Variants in SLF1 observed in about 807,000 individuals in gnomAD.
SLF1 encodes the protein SMC5-SMC6 complex localization factor protein 1.
SLF1 carries 105 observed loss-of-function variants against 123.0 expected under a neutral mutation model. That is an observed-to-expected ratio of 0.85 (90% CI 0.73 to 1.00). SLF1 has a LOEUF of 1.00. SLF1 is among the 50% of genes least tolerant of loss of function. SLF1 has a pLI of 0.00. For missense variants in SLF1, 1,239 were observed against 1,223.0 expected, an observed-to-expected ratio of 1.01 and a Z score of -0.20; for synonymous variants, 434 against 406.6, an observed-to-expected ratio of 1.07 and a Z score of -0.81.
intron 4 of SLF1, among the ~76,000 whole-genome samples, chr5:94,634,217 T>C (rs1745507873): frequency 6.6e-6 from 1 of 152,216 alleles, no homozygotes; most frequent in African/African-American, 2.4e-5. Flanking sequence ...GTTGCATACG[T>C]ATTTTCTCAA....
At chr5:94,618,636 C>A (rs1791229282), upstream of SLF1, 1 of 154,802 alleles carries the variant, frequency 6.5e-6, no homozygotes, top group African/African-American at 2.4e-5. Context: ...CTATCGCTTC[C>A]GGGGCTGCCT....
chr5:94,654,905 A>G (rs530267295), intron 9 of SLF1, among the ~76,000 whole-genome samples, 153 bp downstream of exon 9: 2 of 152,312 alleles, frequency 1.3e-5, no homozygotes, highest in South Asian at 4.1e-4. Flanking sequence ...ATTATACAGT[A>G]ATGTATTTGG....
At position 94,651,835 on chromosome 5, in the gene SLF1, A is replaced by G. The variant is rs1305166434; in HGVS notation, c.872A>G (p.Tyr291Cys). 7.1e-7 allele frequency: 1 copy of G among 1,410,154 alleles called. No individual in the cohort carries two copies. The highest frequency in any genetic ancestry group is 9.5e-7 in the Non-Finnish European group (1 of 1,058,134). 87.4% of individuals were successfully genotyped at this position (1,410,154 alleles called of 1,614,324 possible). ...AGAAATACCTTTGGAAGCCATACATATGAAAATCAGGTACAACTTTCCAAA... is the reference window on the plus strand; with the variant it reads ...AGAAATACCTTTGGAAGCCATACATGTGAAAATCAGGTACAACTTTCCAAA... Reference protein sequence around the residue: ...KMRNTFGSHTYENQKEIKKKD... With the variant: ...KMRNTFGSHTCENQKEIKKKD... Residue 291 changes from tyrosine to cysteine, a missense_variant, in exon 7 of 21, where the codon TAT becomes TGT. Tyr to Cys is a radical substitution (Grantham distance 194). Coordinates refer to ENST00000265140, the MANE Select transcript of SLF1 (RefSeq NM_032290.4).
intron 9 of SLF1, among the ~76,000 whole-genome samples, chr5:94,655,840 AT>A (rs527320241): frequency 1.0e-4 from 15 of 148,950 alleles, no homozygotes; most frequent in Admixed American, 3.3e-4. Flanking sequence ...GTTTTAAGTG[AT>A]TTTTTTTTTG....
chr5:94,684,036 G>A (rs1014070145), intron 15 of SLF1, among the ~76,000 whole-genome samples: 8 of 152,080 alleles, frequency 5.3e-5, no homozygotes, highest in Admixed American at 5.2e-4. Flanking sequence ...CTGGTAATAT[G>A]TCGACCTGTC....
intron 12 of SLF1, among the ~76,000 whole-genome samples, chr5:94,669,670 A>G (rs1323547140): frequency 6.7e-6 from 1 of 150,324 alleles, no homozygotes; most frequent in Admixed American, 6.7e-5. Flanking sequence ...TCTAGAAGAC[A>G]GAAAGAAAAT....
chr5:94,678,771 A>G (rs1751406701), intron 14 of SLF1, 37 bp from the exon 15 acceptor site: 3 of 1,523,348 alleles, frequency 2.0e-6, no homozygotes, highest in Non-Finnish European at 2.7e-6. Context: ...TCAATATTGT[A>G]ATATATTTTA....
At position 94,672,327 on chromosome 5, in the gene SLF1, G is replaced by A. The variant is rs569472142; in HGVS notation, c.1827+1319G>A. 1.2e-4 allele frequency among the ~76,000 whole-genome samples: 19 copies of A among 152,090 alleles called. No individual in the cohort carries two copies. The South Asian group carries it at 3.3e-3, about 27-fold the overall frequency. On this transcript the variant is annotated intron_variant, in intron 14 of 20. Coordinates refer to ENST00000265140, the MANE Select transcript of SLF1 (RefSeq NM_032290.4). The stretch of plus-strand genomic sequence containing the variant: ...AACAAAAATGCTTATGTAGTTTCTC[G>A]TCAAATACTTCCTCAGATCCATTTT...
chr5:94,641,351 G>C (rs549104500), intron 4 of SLF1, among the ~76,000 whole-genome samples: 2 of 152,212 alleles, frequency 1.3e-5, no homozygotes, highest in African/African-American at 4.8e-5. Context: ...TTATCTTCAT[G>C]GGATGATGCA....
chr5:94,649,594 C>A lies in SLF1; in HGVS notation c.735C>A (p.Thr245=), dbSNP rs917337545. ...CCTTAAGAGAGACCATGTATAGAAC[C>A]CAGGTAAACTTTATAGGCTGAAAAA... ...KGALRETMYR[T]QKEMQNHEDV... The change falls in exon 6 of 21, where the codon ACC becomes ACA. Residue 245 remains threonine (T), a synonymous_variant. Coordinates refer to ENST00000265140, the MANE Select transcript of SLF1 (RefSeq NM_032290.4). 6.8e-7 allele frequency: 1 copy of A among 1,467,632 alleles called. No individual in the cohort carries two copies. Among genetic ancestry groups the A allele is most frequent in the Non-Finnish European group, 9.1e-7 (1 of 1,093,440 alleles). The allele number at this position is 1,467,632 out of a possible 1,614,324, so 90.9% of individuals were successfully genotyped here.
chr5:94,626,777 G>A (rs1792286553), intron 1 of SLF1, among the ~76,000 whole-genome samples: 1 of 152,164 alleles, frequency 6.6e-6, no homozygotes, highest in Admixed American at 6.5e-5. Flanking sequence ...AGCTCCTTAG[G>A]ATGTGTCAGA....
At chr5:94,685,732 G>A (rs1022302646) in intron 15 of SLF1, among the ~76,000 whole-genome samples, 2 of 151,928 alleles carry the variant, frequency 1.3e-5, no homozygotes, top group African/African-American at 4.8e-5. Flanking sequence ...CTACTTGGGA[G>A]GCTGAGGCAG....
Position 94,665,864 on chromosome 5 carries a change from A to G in SLF1, c.1372A>G (p.Asn458Asp). The G allele has an allele frequency of 1.3e-6, 2 of 1,540,380 alleles. No homozygotes were observed. Among genetic ancestry groups the G allele is most frequent in the South Asian group, 1.2e-5 (1 of 83,604 alleles). The change falls in exon 12 of 21, where the codon AAC becomes GAC. Residue 458 changes from asparagine (N) to aspartate (D), a missense_variant. By Grantham distance (23) the Asn-to-Asp change is conservative. Coordinates refer to ENST00000265140, the MANE Select transcript of SLF1 (RefSeq NM_032290.4). ...HALLENVLQD[N>D]IDTFSGRYFH... is the part of the protein sequence containing the mutation. ...TTTGTTTATTTTTAAATAATAGGATAACATAGATACATTTTCTGGTCGATA... is the reference window on the plus strand; with the variant it reads ...TTTGTTTATTTTTAAATAATAGGATGACATAGATACATTTTCTGGTCGATA...
intron 4 of SLF1, among the ~76,000 whole-genome samples, chr5:94,641,185 G>A (rs1461322688): frequency 8.9e-5 from 4 of 44,856 alleles, no homozygotes; most frequent in Admixed American, 2.1e-4. Flanking sequence ...CCTCCCGCCC[G>A]CCCCACCCCC....
Position 94,694,907 on chromosome 5 carries a change from A to C in SLF1, c.2772A>C (p.Glu924Asp). 3 of 1,611,594 alleles carry C rather than the reference A, an allele frequency of 1.9e-6. No homozygotes were observed. The highest frequency in any genetic ancestry group is 2.5e-6 in the Non-Finnish European group (3 of 1,178,862). ...LDYVVSPQIKEELFAITKIED... is the reference protein window; with the variant it reads ...LDYVVSPQIKDELFAITKIED... The stretch of plus-strand genomic sequence containing the variant: ...ATGTGGTTTCACCTCAAATCAAAGA[A>C]GAACTGTTTGCTATTACAAAAATAG... Residue 924 changes from glutamate to aspartate, a missense_variant, in exon 21 of 21, where the codon GAA becomes GAC. Coordinates refer to ENST00000265140, the MANE Select transcript of SLF1 (RefSeq NM_032290.4).
rs1046089945 is a variant in SLF1, at chr5:94,662,344, A to G, written c.1202A>G (p.Asn401Ser). The G allele has an allele frequency of 6.5e-7, 1 of 1,548,778 alleles. No homozygotes were observed. Among genetic ancestry groups the G allele is most frequent in the Non-Finnish European group, 8.7e-7 (1 of 1,145,428 alleles). ...CIRIDKQPVYNVEVKNAEFPR... is the reference protein window; with the variant it reads ...CIRIDKQPVYSVEVKNAEFPR... ...AGAATAGATAAACAACCAGTGTACA[A>G]CGTAGAGGTAAGGGGCTTGGAGCAG... Residue 401 changes from asparagine to serine, a missense_variant, in exon 10 of 21, where the codon AAC (asparagine) becomes AGC (serine). Coordinates refer to ENST00000265140, the MANE Select transcript of SLF1 (RefSeq NM_032290.4).
At chr5:94,637,677 T>G (rs1454287667) in intron 4 of SLF1, among the ~76,000 whole-genome samples, 9 of 152,116 alleles carry the variant, frequency 5.9e-5, no homozygotes, top group Admixed American at 5.9e-4. Context: ...GTTCTGAGTG[T>G]GGCAGAACTA....
intron 15 of SLF1, among the ~76,000 whole-genome samples, chr5:94,680,582 G>A (rs17083911): frequency 0.14 from 21,439 of 152,180 alleles, 1,726 homozygotes; most frequent in East Asian, 0.32. Context: ...AGACCTAGTA[G>A]AGGATTAGCA....
At chr5:94,657,887 T>C (rs1250323535) in intron 9 of SLF1, among the ~76,000 whole-genome samples, 2 of 152,110 alleles carry the variant, frequency 1.3e-5, no homozygotes, top group Non-Finnish European at 2.9e-5. Context: ...GTTTCCGTTC[T>C]TGTGGAATAT....
Sources: gnomAD v4.1 joint callset for allele counts (sites outside exome capture counted in the v4.1 genomes callset) on GRCh38, gnomAD v4.1.1 for gene constraint, MANE v1.5 for transcripts, NCBI Gene and HGNC (gene_info 2026-07-23, HGNC 2026-07-21) for gene names.